The following CMIP variants were observed in gnomAD, a reference collection of about 807,000 sequenced individuals.
The protein encoded by CMIP is C-Maf-inducing protein.
A neutral mutation model predicts 97.3 loss-of-function variants in CMIP; 13 were observed. That is an observed-to-expected ratio of 0.13 (90% CI 0.09 to 0.21). CMIP has a LOEUF of 0.21. Among genes scored for constraint, CMIP ranks in the 10% least tolerant of loss-of-function variants. The pLI is 1.00. For synonymous variants in CMIP, 538 were observed against 436.3 expected, an observed-to-expected ratio of 1.23 and a Z score of -2.91; for missense variants, 847 against 1,024.9, an observed-to-expected ratio of 0.83 and a Z score of 2.37.
At chr16:81,574,968 T>A (rs2091163500) in intron 1 of CMIP, among the ~76,000 whole-genome samples, 1 of 152,226 alleles carries the variant, frequency 6.6e-6, no homozygotes, top group Non-Finnish European at 1.5e-5. Flanking sequence ...GAGCTCTTGC[T>A]CATTCCTACC....
At chr16:81,576,634 C>T (rs1346746051) in intron 1 of CMIP, among the ~76,000 whole-genome samples, 1 of 152,118 alleles carries the variant, frequency 6.6e-6, no homozygotes, top group Non-Finnish European at 1.5e-5. Flanking sequence ...AATGTCAGCA[C>T]CCCGTTACTA....
chr16:81,491,053 G>A (rs1222099093), intron 1 of CMIP, among the ~76,000 whole-genome samples: 1 of 152,184 alleles, frequency 6.6e-6, no homozygotes, highest in African/African-American at 2.4e-5. Flanking sequence ...CTTGGCTCTC[G>A]TTGGGCTGCG....
intron 9 of CMIP, among the ~76,000 whole-genome samples, chr16:81,672,622 C>T (rs1433609700): frequency 4.6e-5 from 7 of 152,074 alleles, no homozygotes; most frequent in Admixed American, 2.0e-4. Flanking sequence ...TTAGGTTGTG[C>T]GGCAATACAG....
intron 1 of CMIP, among the ~76,000 whole-genome samples, chr16:81,586,717 C>T (rs186123691): frequency 1.3e-5 from 2 of 152,344 alleles, no homozygotes; most frequent in African/African-American, 2.4e-5. Flanking sequence ...CACTTTCCCT[C>T]GGGCTCCTCT....
chr16:81,583,561 G>A (rs1017246652), intron 1 of CMIP, among the ~76,000 whole-genome samples: 1 of 152,160 alleles, frequency 6.6e-6, no homozygotes, highest in Non-Finnish European at 1.5e-5. Context: ...TCTCACGGCC[G>A]GGTCACAGAC....
In CMIP at chr16:81,556,423, A is replaced by G. The variant is rs77639614; in HGVS notation, c.301-51144A>G. On this transcript the variant is annotated intron_variant, in intron 1 of 20. Transcript: ENST00000537098. ...TAGGAGTAAAATTGATGGATCACATAGTAACTTGGCTGCACCCTTTTATAT... is the reference window on the plus strand; with the variant it reads ...TAGGAGTAAAATTGATGGATCACATGGTAACTTGGCTGCACCCTTTTATAT... Among the ~76,000 whole-genome samples the G allele has an allele frequency of 1.2e-3, 181 of 152,314 alleles. 1 individual carries two copies. Among genetic ancestry groups the G allele is most frequent in the African/African-American group, 4.3e-3 (177 of 41,566 alleles).
chr16:81,602,203 T>C (rs1277719034), intron 1 of CMIP, among the ~76,000 whole-genome samples: 1 of 152,202 alleles, frequency 6.6e-6, no homozygotes. Flanking sequence ...GTGAGAGTTC[T>C]GGAGCTTGCC....
intron 3 of CMIP, among the ~76,000 whole-genome samples, chr16:81,629,043 T>C (rs932148312): frequency 2.2e-5 from 3 of 136,562 alleles, no homozygotes; most frequent in African/African-American, 5.6e-5. Context: ...GGCTGAAGCA[T>C]GAGAATCGCT....
chr16:81,498,632 C>T (rs140927528), intron 1 of CMIP, among the ~76,000 whole-genome samples: 3 of 152,356 alleles, frequency 2.0e-5, no homozygotes, highest in East Asian at 3.9e-4. Flanking sequence ...CATGGCTGCA[C>T]ACACTTGCAT....
chr16:81,536,888 A>G (rs1177202285), intron 1 of CMIP, among the ~76,000 whole-genome samples: 1 of 152,104 alleles, frequency 6.6e-6, no homozygotes, highest in African/African-American at 2.4e-5. Context: ...TCAAGAGACA[A>G]CATACTGAGC....
intron 1 of CMIP, among the ~76,000 whole-genome samples, chr16:81,535,717 A>G (rs2090329863): frequency 6.6e-6 from 1 of 152,038 alleles, no homozygotes; most frequent in Admixed American, 6.6e-5. Flanking sequence ...GTTGCCCTTG[A>G]GTGTTCAGAC....
intron 1 of CMIP, among the ~76,000 whole-genome samples, chr16:81,517,308 G>A (rs1346858366): frequency 6.6e-6 from 1 of 152,200 alleles, no homozygotes; most frequent in Non-Finnish European, 1.5e-5. Flanking sequence ...AAGGTCATCA[G>A]TGAAAGAATA....
At chr16:81,525,705 A>T (rs2090118178) in intron 1 of CMIP, among the ~76,000 whole-genome samples, 1 of 152,096 alleles carries the variant, frequency 6.6e-6, no homozygotes, top group South Asian at 2.1e-4. Context: ...ATCCACCATC[A>T]TCCATCTCCA....
At chr16:81,546,127 G>A (rs2090542086) in intron 1 of CMIP, among the ~76,000 whole-genome samples, 4 of 152,200 alleles carry the variant, frequency 2.6e-5, no homozygotes, top group Non-Finnish European at 5.9e-5. Context: ...GTTCTTACGA[G>A]TTATCGTGTC....
At chr16:81,468,488 C>G (rs955573868) in intron 1 of CMIP, among the ~76,000 whole-genome samples, 2 of 152,230 alleles carry the variant, frequency 1.3e-5, no homozygotes, top group Non-Finnish European at 2.9e-5. Context: ...CAGATATGCC[C>G]CAGGCCTCTC....
At chr16:81,608,589 G>A (rs1046857043) in intron 2 of CMIP, among the ~76,000 whole-genome samples, 1 of 151,392 alleles carries the variant, frequency 6.6e-6, no homozygotes, top group African/African-American at 2.4e-5. Flanking sequence ...CGGATTACCC[G>A]CCCACCCTTG....
chr16:81,511,474 C>T (rs2089808313), intron 1 of CMIP, among the ~76,000 whole-genome samples: 1 of 152,190 alleles, frequency 6.6e-6, no homozygotes, highest in Non-Finnish European at 1.5e-5. Flanking sequence ...TTTCCATATT[C>T]TGAGTTTTGC....
chr16:81,626,396 G>T (rs1273596924), intron 3 of CMIP, among the ~76,000 whole-genome samples: 1 of 151,690 alleles, frequency 6.6e-6, no homozygotes, highest in African/African-American at 2.4e-5. Context: ...ATGAGTGTGT[G>T]TGGCGTGTGG....
At chr16:81,447,236 C>CTT (rs147206378) in intron 1 of CMIP, among the ~76,000 whole-genome samples, 5 of 136,390 alleles carry the variant, frequency 3.7e-5, no homozygotes, top group Admixed American at 7.2e-5. Context: ...CTTTATTGGG[C>CTT]TTTTTTTTTT....
Sources: allele counts gnomAD v4.1 joint callset (sites outside exome capture counted in the v4.1 genomes callset), GRCh38; gene constraint gnomAD v4.1.1; transcripts MANE v1.5; gene names NCBI Gene and HGNC (gene_info 2026-07-23, HGNC 2026-07-21).